The following OPCML variants were observed in gnomAD, a reference collection of about 807,000 sequenced individuals.
The protein encoded by OPCML is opioid binding protein/cell adhesion molecule like.
Under a neutral mutation model 37.8 loss-of-function variants are expected in OPCML, and 13 were observed. The observed-to-expected ratio is 0.34, with a 90% CI of 0.22 to 0.55. The LOEUF (loss-of-function observed/expected upper bound fraction) is 0.55, where lower values mean the gene tolerates loss of function less well. Among genes scored for constraint, OPCML ranks in the 20% least tolerant of loss-of-function variants. The pLI, the probability that OPCML is intolerant of heterozygous loss-of-function variation, is 0.91. For synonymous variants in OPCML, 176 were observed against 168.8 expected (o/e 1.04, Z -0.33); for missense variants, 341 against 435.6 (o/e 0.78, Z 1.93).
At chr11:133,340,606 CTCTGTGTGTGTGTGTG>C (rs1368321257) in intron 1 of OPCML, among the ~76,000 whole-genome samples, 10 of 109,288 alleles carry the variant, frequency 9.2e-5, no homozygotes, top group African/African-American at 4.0e-4. Context: ...TTAAGACTCT[CTCTGTGTGTGTGTGTG>C]TGTGTGTGTG....
At chr11:133,369,745 A>G (rs1304509019) in intron 1 of OPCML, among the ~76,000 whole-genome samples, 1 of 151,954 alleles carries the variant, frequency 6.6e-6, no homozygotes, top group African/African-American at 2.4e-5. Flanking sequence ...CACACACACC[A>G]TTATCAATTT....
At chr11:133,060,160 C>T (rs929145989) in intron 1 of OPCML, among the ~76,000 whole-genome samples, 1 of 144,102 alleles carries the variant, frequency 6.9e-6, no homozygotes, top group African/African-American at 2.8e-5. Context: ...TCTTATTCTC[C>T]TCTCCCTCTC....
intron 1 of OPCML, among the ~76,000 whole-genome samples, chr11:133,085,694 A>C (rs1219660098): frequency 6.6e-6 from 1 of 152,246 alleles, no homozygotes; most frequent in African/African-American, 2.4e-5. Context: ...GATCTTACAG[A>C]CCAAAAGAAG....
chr11:133,127,532 C>T (rs1015547167), intron 1 of OPCML, among the ~76,000 whole-genome samples: 6 of 151,768 alleles, frequency 4.0e-5, no homozygotes, highest in Non-Finnish European at 8.8e-5. Context: ...ACTCAGGAGG[C>T]TGAGGTGGGA....
At chr11:132,843,749 A>G (rs1374463190) in intron 2 of OPCML, among the ~76,000 whole-genome samples, 1 of 152,216 alleles carries the variant, frequency 6.6e-6, no homozygotes, top group Non-Finnish European at 1.5e-5. Flanking sequence ...ATCTATCATC[A>G]CTGCGAAGGA....
intron 1 of OPCML, among the ~76,000 whole-genome samples, chr11:133,271,870 G>A (rs1018037479): frequency 6.6e-5 from 10 of 152,202 alleles, no homozygotes; most frequent in African/African-American, 2.4e-4. Flanking sequence ...TATGCACTCG[G>A]CAGGATGCTC....
intron 2 of OPCML, among the ~76,000 whole-genome samples, chr11:132,821,195 A>G (rs1357765740): frequency 2.0e-5 from 3 of 152,216 alleles, no homozygotes; most frequent in Non-Finnish European, 4.4e-5. Flanking sequence ...CACTGGCAGA[A>G]CGAAGCTGAG....
chr11:132,481,552 C>A (rs1267890681), intron 4 of OPCML, among the ~76,000 whole-genome samples: 1 of 150,896 alleles, frequency 6.6e-6, no homozygotes, highest in Non-Finnish European at 1.5e-5. Context: ...TTGAACTCAG[C>A]TCTGCACCAA....
At chr11:132,674,465 G>A (rs553196746) in intron 2 of OPCML, among the ~76,000 whole-genome samples, 11 of 152,262 alleles carry the variant, frequency 7.2e-5, no homozygotes, top group African/African-American at 2.4e-4. Context: ...TTTATTTTGT[G>A]TTGTATTTTT....
intron 1 of OPCML, among the ~76,000 whole-genome samples, chr11:133,489,394 A>G (rs1947604459): frequency 6.6e-6 from 1 of 152,166 alleles, no homozygotes. Context: ...TAAAAAAACA[A>G]ATAACCCCAT....
At chr11:133,381,135 C>A (rs1353967909) in intron 1 of OPCML, among the ~76,000 whole-genome samples, 1 of 152,184 alleles carries the variant, frequency 6.6e-6, no homozygotes, top group Admixed American at 6.5e-5. Context: ...CTAGGAGTGG[C>A]TTAGAAATTG....
At chr11:132,479,406 G>A (rs1407601438) in intron 4 of OPCML, among the ~76,000 whole-genome samples, 1 of 152,212 alleles carries the variant, frequency 6.6e-6, no homozygotes, top group Non-Finnish European at 1.5e-5. Flanking sequence ...TGCTAGCACA[G>A]CAGTCTGAGC....
chr11:132,600,270 C>T (rs1458166916), intron 3 of OPCML, among the ~76,000 whole-genome samples: 1 of 152,250 alleles, frequency 6.6e-6, no homozygotes, highest in Admixed American at 6.5e-5. Flanking sequence ...AGAAAAGCCA[C>T]TCACTCGGGT....
At chr11:132,735,561 A>G (rs1241472656) in intron 2 of OPCML, among the ~76,000 whole-genome samples, 3 of 152,026 alleles carry the variant, frequency 2.0e-5, no homozygotes, top group Non-Finnish European at 4.4e-5. Flanking sequence ...ATCTTGGCTC[A>G]CTGCAAGTTC....
intron 1 of OPCML, among the ~76,000 whole-genome samples, chr11:133,185,517 T>C (rs141064438): frequency 1.3e-5 from 2 of 152,230 alleles, no homozygotes; most frequent in East Asian, 3.9e-4. Context: ...GTGATGGAGA[T>C]GGGGTTCGGA....
chr11:133,515,623 G>A (rs569471189), intron 1 of OPCML, among the ~76,000 whole-genome samples: 37 of 152,166 alleles, frequency 2.4e-4, no homozygotes, highest in South Asian at 2.1e-3. Flanking sequence ...CAGTGACTAC[G>A]CCCCAGATAA....
chr11:132,997,101 C>T (rs551457451), intron 1 of OPCML, among the ~76,000 whole-genome samples: 113 of 152,196 alleles, frequency 7.4e-4, no homozygotes, highest in Non-Finnish European at 1.5e-3. Flanking sequence ...TCCTCCTTGA[C>T]CTGTCTGTCA....
chr11:132,532,351 G>A (rs2096328078), intron 3 of OPCML, among the ~76,000 whole-genome samples: 3 of 151,632 alleles, frequency 2.0e-5, no homozygotes, highest in Admixed American at 1.3e-4. Context: ...AAAAGGAAGT[G>A]CAGAGGATGA....
intron 1 of OPCML, among the ~76,000 whole-genome samples, chr11:133,012,283 G>A (rs548062631): frequency 1.4e-4 from 22 of 152,132 alleles, no homozygotes; most frequent in East Asian, 5.8e-4. Flanking sequence ...AAAACCTGGC[G>A]TAGACAAGGA....
Sources: allele counts gnomAD v4.1 joint callset (sites outside exome capture counted in the v4.1 genomes callset), GRCh38; gene constraint gnomAD v4.1.1; transcripts MANE v1.5; gene names NCBI Gene and HGNC (gene_info 2026-07-23, HGNC 2026-07-21).